The following PLAC1 variants were observed in gnomAD, a reference collection of about 807,000 sequenced individuals.
The protein encoded by PLAC1 is placenta-specific protein 1.
For synonymous variants in PLAC1, 68 were observed against 62.1 expected (o/e 1.09, Z -0.44); for missense variants, 136 against 163.2 (o/e 0.83, Z 0.91).
At chrX:134,759,475 A>G (rs1228363763) in intron 1 of PLAC1, among the ~76,000 whole-genome samples, 1 of 111,840 alleles carries the variant, frequency 8.9e-6, no homozygotes, top group Non-Finnish European at 1.9e-5. Context: ...TGGTGGTGGG[A>G]ATGTAGACTA....
intron 2 of PLAC1, among the ~76,000 whole-genome samples, chrX:134,694,798 T>A (rs1257165356): frequency 8.9e-6 from 1 of 111,911 alleles, no homozygotes. Flanking sequence ...ACTATTTATA[T>A]CATTTTTATT....
chrX:134,737,783 G>A (rs1309114442), intron 1 of PLAC1, among the ~76,000 whole-genome samples: 2 of 112,666 alleles, frequency 1.8e-5, no homozygotes, highest in East Asian at 2.8e-4. Context: ...AGGTGGGGGC[G>A]CCGAAAGGAA....
chrX:134,624,908 T>TGATAGATA (rs58742246), intron 1 of PLAC1, among the ~76,000 whole-genome samples: 547 of 103,416 alleles, frequency 5.3e-3, no homozygotes, highest in Admixed American at 5.9e-3. Context: ...GACAGATAAA[T>TGATAGATA]GATAGATAGA....
intron 2 of PLAC1, among the ~76,000 whole-genome samples, chrX:134,719,618 C>T (rs2078652173): frequency 9.0e-6 from 1 of 110,648 alleles, no homozygotes; most frequent in African/African-American, 3.3e-5. Context: ...GGCGAAACCC[C>T]ATCTCTACTA....
chrX:134,635,485 G>A (rs1056533719), intron 1 of PLAC1, among the ~76,000 whole-genome samples: 2 of 110,275 alleles, frequency 1.8e-5, no homozygotes, highest in African/African-American at 6.7e-5. Flanking sequence ...CCACAGTTGT[G>A]ATCCACTACA....
At chrX:134,617,394 G>A (rs1278849409) in intron 1 of PLAC1, among the ~76,000 whole-genome samples, 1 of 111,757 alleles carries the variant, frequency 8.9e-6, no homozygotes, top group African/African-American at 3.3e-5. Context: ...TGGGATCCTT[G>A]CCTAGTACTG....
chrX:134,649,058 G>A (rs1004076876), intron 1 of PLAC1, among the ~76,000 whole-genome samples: 3 of 111,197 alleles, frequency 2.7e-5, no homozygotes, highest in African/African-American at 9.8e-5. Context: ...CATGAGGTCA[G>A]GAGTTTGAGA....
chrX:134,726,610 G>A (rs1267103784), intron 2 of PLAC1, among the ~76,000 whole-genome samples: 1 of 110,559 alleles, frequency 9.0e-6, no homozygotes, highest in Non-Finnish European at 1.9e-5. Flanking sequence ...GGATCATGAG[G>A]TCAGGAGATC....
chrX:134,596,005 T>C (rs914040466), intron 2 of PLAC1, among the ~76,000 whole-genome samples: 2 of 111,685 alleles, frequency 1.8e-5, no homozygotes, highest in Non-Finnish European at 3.8e-5. Context: ...TTTGAGTGTA[T>C]ATCTTTGTAT....
chrX:134,613,982 C>A (rs771017367), intron 1 of PLAC1, among the ~76,000 whole-genome samples: 2 of 110,492 alleles, frequency 1.8e-5, no homozygotes, highest in Non-Finnish European at 3.8e-5. Flanking sequence ...AGCGACCCCC[C>A]GGCTGACCAC....
At position 134,748,730 on chromosome X, in the gene PLAC1, C is replaced by T. The variant is rs150388994; in HGVS notation, n.90-15211G>A. 3.0e-3 allele frequency among the ~76,000 whole-genome samples: 337 copies of T among 111,407 alleles called. 2 individuals are homozygous for T. The highest frequency in any genetic ancestry group is 0.01 in the African/African-American group (321 of 30,611). On this transcript the variant is annotated intron_variant and non_coding_transcript_variant, in intron 1 of 2. Transcript: ENST00000466797. ...GGTATCAGGGTTTAAATGGGGGGAA[C>T]GTCTTGATATTTTACAGCAGATGGA...
At chrX:134,581,948 C>T (rs1276302946) in intron 2 of PLAC1, among the ~76,000 whole-genome samples, 1 of 111,906 alleles carries the variant, frequency 8.9e-6, no homozygotes, top group East Asian at 2.8e-4. Context: ...GGAAAGCAAA[C>T]CTCGCCTAAA....
At chrX:134,588,543 G>C (rs1280849476) in intron 2 of PLAC1, among the ~76,000 whole-genome samples, 2 of 109,835 alleles carry the variant, frequency 1.8e-5, no homozygotes, top group Admixed American at 9.9e-5. Flanking sequence ...ATCTACAGCT[G>C]GGGAGCAGGC....
At chrX:134,660,394 C>A (rs1426728426), upstream of PLAC1, among the ~76,000 whole-genome samples, 2 of 112,057 alleles carry the variant, frequency 1.8e-5, no homozygotes, top group African/African-American at 6.5e-5. Context: ...GCGTGAGCCA[C>A]CATGCCTGGC....
chrX:134,750,930 T>C (rs1602951359), intron 1 of PLAC1, among the ~76,000 whole-genome samples: 1 of 29,550 alleles, frequency 3.4e-5, no homozygotes, highest in South Asian at 2.3e-3. Context: ...TATATTTTTA[T>C]ATATATATAT....
chrX:134,727,474 A>G (rs2147841434), intron 2 of PLAC1, among the ~76,000 whole-genome samples: 1 of 112,388 alleles, frequency 8.9e-6, no homozygotes, highest in East Asian at 2.8e-4. Context: ...TCATATTTAT[A>G]TCTTGCTTCT....
At chrX:134,758,363 A>G (rs1039950406) in intron 1 of PLAC1, among the ~76,000 whole-genome samples, 3 of 112,198 alleles carry the variant, frequency 2.7e-5, no homozygotes, top group Admixed American at 1.9e-4. Context: ...GAGCAAAAAG[A>G]AAGCTGGAAG....
intron 2 of PLAC1, among the ~76,000 whole-genome samples, chrX:134,586,678 T>C (rs1403782424): frequency 2.0e-5 from 2 of 100,683 alleles, no homozygotes; most frequent in African/African-American, 7.2e-5. Flanking sequence ...TTCTTTTTTT[T>C]TTTTTTTTTT....
At chrX:134,652,304 G>A (rs990814100) in intron 1 of PLAC1, among the ~76,000 whole-genome samples, 1 of 111,920 alleles carries the variant, frequency 8.9e-6, no homozygotes, top group Non-Finnish European at 1.9e-5. Flanking sequence ...CTTCTCTGGC[G>A]GCATGGTCAG....
Sources: allele counts gnomAD v4.1 joint callset (sites outside exome capture counted in the v4.1 genomes callset), GRCh38; gene constraint gnomAD v4.1.1; transcripts MANE v1.5; gene names NCBI Gene and HGNC (gene_info 2026-07-23, HGNC 2026-07-21).